FAM13C: variants seen among roughly 807,000 people sequenced by gnomAD.
The protein encoded by FAM13C is family with sequence similarity 13 member C, also known as protein FAM13C.
A neutral mutation model predicts 73.2 loss-of-function variants in FAM13C; 37 were observed. The ratio of observed to expected loss-of-function variants is 0.51; its 90% CI spans 0.39 to 0.67. The LOEUF (loss-of-function observed/expected upper bound fraction) is 0.67, where lower values mean the gene tolerates loss of function less well. Ranked by LOEUF, FAM13C falls within the 30% of genes least tolerant of loss-of-function variation. FAM13C has a pLI of 0.00. For missense variants in FAM13C, 589 were observed against 715.6 expected (o/e 0.82, Z 2.02); for synonymous variants, 246 against 260.9 (o/e 0.94, Z 0.55).
intron 5 of FAM13C, among the ~76,000 whole-genome samples, chr10:59,291,307 C>T (rs979935313): frequency 1.3e-4 from 20 of 152,284 alleles, no homozygotes; most frequent in African/African-American, 4.6e-4. Context: ...CTCCCAATGT[C>T]GACCATTACA....
At chr10:59,314,538 G>T (rs898276587) in intron 4 of FAM13C, among the ~76,000 whole-genome samples, 2 of 152,076 alleles carry the variant, frequency 1.3e-5, no homozygotes, top group Non-Finnish European at 2.9e-5. Flanking sequence ...CCTTCCCAGG[G>T]GCTCTATTAA....
At chr10:59,327,021 A>G (rs1851238630) in intron 3 of FAM13C, among the ~76,000 whole-genome samples, 1 of 152,222 alleles carries the variant, frequency 6.6e-6, no homozygotes, top group Non-Finnish European at 1.5e-5. Context: ...GCCACATTAA[A>G]TGCATCCATC....
Position 59,270,072 on chromosome 10 carries a change from G to A in FAM13C, c.630C>T (p.Ala210=), listed in dbSNP as rs150637641. ...AGTGGAGGTCTTCTGGTGCACTGTC[G>A]GCCTCATTCTGCCCATCTTTGTGGA... is the stretch of plus-strand genomic sequence containing the variant. The part of the protein sequence containing the change: ...SPVHKDGQNE[A]DSAPEDLHSV... The change falls in exon 7 of 14, where the codon GCC becomes GCT. Residue 210 remains alanine (A), a synonymous_variant. Coordinates refer to ENST00000618804, the MANE Select transcript of FAM13C (RefSeq NM_198215.4). The A allele has an allele frequency of 6.5e-4, 1,055 of 1,613,442 alleles. 11 individuals carry two copies. The African/African-American group carries it at 0.01, about 16-fold the overall frequency.
chr10:59,278,833 T>TAC (rs3078283), intron 6 of FAM13C, among the ~76,000 whole-genome samples: 3,044 of 147,778 alleles, frequency 0.021, 39 homozygotes, highest in Non-Finnish European at 0.021. Context: ...CACATACACA[T>TAC]ACACACACAC....
chr10:59,302,700 C>T (rs1847738100), intron 5 of FAM13C, 101 bp downstream of exon 5: 9 of 1,130,114 alleles, frequency 8.0e-6, no homozygotes, highest in Non-Finnish European at 1.2e-5. Flanking sequence ...AGCAAAAATA[C>T]TAAGTTTTCA....
chr10:59,261,790 A>G (rs773082741), intron 10 of FAM13C, among the ~76,000 whole-genome samples: 78 of 152,320 alleles, frequency 5.1e-4, no homozygotes, highest in Middle Eastern at 3.4e-3. Context: ...GATATGCATG[A>G]CAAGGAGAGA....
At chr10:59,257,192 A>G (rs1316371942) in intron 10 of FAM13C, among the ~76,000 whole-genome samples, 3 of 152,226 alleles carry the variant, frequency 2.0e-5, no homozygotes, top group Admixed American at 1.3e-4. Flanking sequence ...TATATAGGAC[A>G]CAATTTGATA....
intron 1 of FAM13C, chr10:59,360,975 G>A (rs1856336989): frequency 2.4e-6 from 3 of 1,266,782 alleles, no homozygotes; most frequent in South Asian, 1.2e-5. Flanking sequence ...TGAGAATCGG[G>A]GCCAGAAAGC....
In FAM13C at chr10:59,302,860, C is replaced by G; in HGVS notation, c.448G>C (p.Asp150His). The G allele has an allele frequency of 6.2e-7, 1 of 1,613,630 alleles. No homozygotes were observed. The highest frequency in any genetic ancestry group is 8.5e-7 in the Non-Finnish European group (1 of 1,179,820). ...TTTGGCGAAATGGCAGTCCTCTGGTCTATTCTATAAAATACAAAGAAAAAT... is the reference window on the plus strand; with the variant it reads ...TTTGGCGAAATGGCAGTCCTCTGGTGTATTCTATAAAATACAAAGAAAAAT... The part of the protein sequence containing the change: ...QETVRLQPRI[D>H]QRTAISPKDA... Residue 150 changes from aspartate (D) to histidine (H), a missense_variant, in exon 5 of 14, where the codon GAC becomes CAC. Physicochemically the swap from Asp to His is moderately conservative, Grantham distance 81. Transcript: ENST00000618804.
chr10:59,352,580 G>C, intron 2 of FAM13C, 106 bp from the exon 3 acceptor site: 1 of 1,234,116 alleles, frequency 8.1e-7, no homozygotes, highest in Non-Finnish European at 1.1e-6. Flanking sequence ...TTATAGGATA[G>C]ACACCTCGCA....
intron 5 of FAM13C, among the ~76,000 whole-genome samples, chr10:59,297,541 TC>T (rs1847061950): frequency 6.6e-6 from 1 of 152,126 alleles, no homozygotes; most frequent in Admixed American, 6.6e-5. Flanking sequence ...GTTGGTTTCT[TC>T]CTCTCCATCA....
intron 11 of FAM13C, 124 bp downstream of exon 11, chr10:59,254,224 A>G (rs1395260668): frequency 3.6e-6 from 2 of 561,120 alleles, no homozygotes; most frequent in African/African-American, 3.9e-5. Context: ...TTTTGAAATG[A>G]CAACTAGCCT....
chr10:59,344,960 A>G (rs1166293049), intron 3 of FAM13C, among the ~76,000 whole-genome samples: 4 of 152,202 alleles, frequency 2.6e-5, no homozygotes, highest in Non-Finnish European at 5.9e-5. Flanking sequence ...ATGTGTCGGT[A>G]GATCTTGACT....
chr10:59,307,646 T>C (rs2133903042), intron 4 of FAM13C, among the ~76,000 whole-genome samples: 1 of 152,338 alleles, frequency 6.6e-6, no homozygotes, highest in South Asian at 2.1e-4. Context: ...AAGTCTGCCC[T>C]TGTGGAACTT....
At chr10:59,357,168 A>G (rs2134299622) in intron 1 of FAM13C, among the ~76,000 whole-genome samples, 1 of 152,126 alleles carries the variant, frequency 6.6e-6, no homozygotes, top group South Asian at 2.1e-4. Context: ...ATGTGAGTCC[A>G]CTCTCCTACT....
chr10:59,262,722 C>G, intron 9 of FAM13C, 77 bp from the exon 10 acceptor site: 1 of 1,282,488 alleles, frequency 7.8e-7, no homozygotes, highest in Non-Finnish European at 1.1e-6. Flanking sequence ...TCAGGAATTC[C>G]TTCCCCTGAT....
At chr10:59,302,053 G>A (rs1165469155) in intron 5 of FAM13C, among the ~76,000 whole-genome samples, 1 of 151,950 alleles carries the variant, frequency 6.6e-6, no homozygotes, top group Non-Finnish European at 1.5e-5. Context: ...TCTCTTTTTG[G>A]CATCTGATCA....
intron 2 of FAM13C, 152 bp downstream of exon 2, chr10:59,355,735 A>G (rs1855629109): frequency 1.3e-6 from 1 of 745,030 alleles, no homozygotes; most frequent in African/African-American, 1.8e-5. Flanking sequence ...AAAGACAAAA[A>G]TTTTGTCAAG....
At position 59,251,634 on chromosome 10, in the gene FAM13C, C is replaced by G; in HGVS notation, c.1575G>C (p.Lys525Asn). 3 of 1,613,316 alleles carry G rather than the reference C, an allele frequency of 1.9e-6. No individual in the cohort carries two copies. Reference sequence around the variant, plus strand: ...CTCTTAAGGCTTTCCGCAGTCTCTTCTTGTCAGCCCTAGTTTCTCGGAGAT... The same window carrying G: ...CTCTTAAGGCTTTCCGCAGTCTCTTGTTGTCAGCCCTAGTTTCTCGGAGAT... ...LDHLRETRADKKRLRKALREF... is the reference protein window; with the variant it reads ...LDHLRETRADNKRLRKALREF... Residue 525 changes from lysine (K) to asparagine (N), a missense_variant, in exon 13 of 14, where the codon AAG becomes AAC. Coordinates refer to ENST00000618804, the MANE Select transcript of FAM13C (RefSeq NM_198215.4).
Sources: allele counts gnomAD v4.1 joint callset (sites outside exome capture counted in the v4.1 genomes callset), GRCh38; gene constraint gnomAD v4.1.1; transcripts MANE v1.5; gene names NCBI Gene and HGNC (gene_info 2026-07-23, HGNC 2026-07-21).